Variants in ITGB5 observed in about 807,000 individuals in gnomAD.
ITGB5 encodes the protein integrin subunit beta 5, also known as integrin beta-5.
Under a neutral mutation model 84.8 loss-of-function variants are expected in ITGB5, and 38 were observed. The observed-to-expected ratio is 0.45, with a 90% CI of 0.35 to 0.59. The LOEUF (loss-of-function observed/expected upper bound fraction) is 0.59, where lower values mean the gene tolerates loss of function less well. Among genes scored for constraint, ITGB5 ranks in the 20% least tolerant of loss-of-function variants. ITGB5 has a pLI of 0.01. For synonymous variants in ITGB5, 393 were observed against 414.4 expected (o/e 0.95, Z 0.63); for missense variants, 905 against 1,034.5 (o/e 0.87, Z 1.72).
chr3:124,805,348 G>C (rs571490931), intron 9 of ITGB5, among the ~76,000 whole-genome samples: 1 of 152,020 alleles, frequency 6.6e-6, no homozygotes, highest in Non-Finnish European at 1.5e-5. Flanking sequence ...TTGCCATGTT[G>C]CCCAGGCTGG....
chr3:124,768,330 A>G (rs2063795213), intron 12 of ITGB5, among the ~76,000 whole-genome samples: 2 of 152,232 alleles, frequency 1.3e-5, no homozygotes, highest in Admixed American at 6.5e-5. Context: ...TCAACTCACA[A>G]TGTTGTGTAA....
At chr3:124,794,420 A>G (rs575054188) in intron 10 of ITGB5, among the ~76,000 whole-genome samples, 1 of 152,312 alleles carries the variant, frequency 6.6e-6, no homozygotes, top group South Asian at 2.1e-4. Context: ...AAAATAAATT[A>G]AAAGCCTCAA....
At chr3:124,828,580 TTGTTACC>T (rs2064817313) in intron 5 of ITGB5, among the ~76,000 whole-genome samples, 2 of 152,198 alleles carry the variant, frequency 1.3e-5, no homozygotes, top group Non-Finnish European at 2.9e-5. Context: ...AAGGATATGT[TTGTTACC>T]TTGATCGCAG....
Position 124,796,330 on chromosome 3 carries a change from G to A in ITGB5, c.1693+58C>T. 3 of 1,450,704 alleles carry A rather than the reference G, an allele frequency of 2.1e-6. No homozygotes were observed. The Admixed American group carries it at 5.5e-5, about 27-fold the overall frequency. The allele number at this position is 1,450,704 out of a possible 1,614,324, so 89.9% of individuals were successfully genotyped here. A position where few individuals can be genotyped will look rare whatever the true frequency, so the allele number is the denominator to read the frequency against. On this transcript the variant is annotated intron_variant, in intron 10 of 14. Transcript: ENST00000296181. ...TGAGTAAAAGGCAGGCTTTGGGAGG[G>A]TGTCCTAACGGCATCTTGGCCTGGC... is the stretch of plus-strand genomic sequence containing the variant.
intron 2 of ITGB5, among the ~76,000 whole-genome samples, chr3:124,870,798 TAGAC>T (rs1171200610): frequency 2.7e-5 from 4 of 149,210 alleles, no homozygotes; most frequent in Non-Finnish European, 4.4e-5. Flanking sequence ...CACAGATAAA[TAGAC>T]AGATGGATGG....
chr3:124,821,269 C>T (rs752861057), intron 6 of ITGB5, 44 bp downstream of exon 6: 3 of 1,577,772 alleles, frequency 1.9e-6, no homozygotes, highest in Non-Finnish European at 2.6e-6. Flanking sequence ...GGCAGGGTCA[C>T]AAGAGAGGCA....
At chr3:124,817,284 G>T (rs569970815) in intron 8 of ITGB5, among the ~76,000 whole-genome samples, 2 of 152,212 alleles carry the variant, frequency 1.3e-5, no homozygotes, top group Non-Finnish European at 2.9e-5. Flanking sequence ...CTGGGCACTG[G>T]GTAGGTGGAG....
intron 8 of ITGB5, among the ~76,000 whole-genome samples, chr3:124,814,557 G>A (rs1461557307): frequency 6.6e-6 from 1 of 150,876 alleles, no homozygotes; most frequent in African/African-American, 2.4e-5. Flanking sequence ...GCTCACTGCA[G>A]CCTTGAACTC....
chr3:124,770,510 C>T (rs565787858), intron 11 of ITGB5, among the ~76,000 whole-genome samples: 21 of 152,288 alleles, frequency 1.4e-4, no homozygotes, highest in East Asian at 5.8e-4. Flanking sequence ...CTTAACTCCT[C>T]GGGATTAAGA....
chr3:124,804,179 T>G (rs1231561907), intron 9 of ITGB5, among the ~76,000 whole-genome samples: 1 of 152,230 alleles, frequency 6.6e-6, no homozygotes, highest in Admixed American at 6.5e-5. Context: ...CTTTGACCTT[T>G]CTAGCTTCTA....
At chr3:124,885,734 T>C (rs1433595407) in intron 1 of ITGB5, among the ~76,000 whole-genome samples, 1 of 152,162 alleles carries the variant, frequency 6.6e-6, no homozygotes, top group African/African-American at 2.4e-5. Context: ...TCATCTACTC[T>C]CCAAGCTCTG....
chr3:124,824,279 G>C (rs986296953), intron 5 of ITGB5, among the ~76,000 whole-genome samples: 6 of 152,182 alleles, frequency 3.9e-5, no homozygotes, highest in African/African-American at 1.4e-4. Context: ...AGCAAAAATA[G>C]ATCCACACAT....
At chr3:124,883,244 G>GGCCA (rs1257930067) in intron 1 of ITGB5, among the ~76,000 whole-genome samples, 1 of 152,148 alleles carries the variant, frequency 6.6e-6, no homozygotes, top group Non-Finnish European at 1.5e-5. Context: ...GTAGTTACCA[G>GGCCA]GCCACGCAGG....
rs529347056 is a variant in ITGB5, at chr3:124,774,900, G to GT, written c.1694-989dup. 6.7e-3 allele frequency among the ~76,000 whole-genome samples: 1,020 copies of GT among 152,340 alleles called. 18 individuals carry two copies. Among genetic ancestry groups the GT allele is most frequent in the South Asian group, 0.042 (202 of 4,830 alleles). On this transcript the variant is annotated intron_variant, in intron 10 of 14. Coordinates refer to ENST00000296181, the MANE Select transcript of ITGB5 (RefSeq NM_002213.5). ...TTATGGGGCAGGCATTATTGTCCTTGTTATATAAGGGGTGAAACCAAGACC... is the reference window on the plus strand; with the variant it reads ...TTATGGGGCAGGCATTATTGTCCTTGTTTATATAAGGGGTGAAACCAAGACC...
At chr3:124,868,981 A>G (rs966810774) in intron 2 of ITGB5, among the ~76,000 whole-genome samples, 3 of 152,166 alleles carry the variant, frequency 2.0e-5, no homozygotes, top group African/African-American at 7.2e-5. Flanking sequence ...CGTGGCCAGC[A>G]GGCATGGAAT....
chr3:124,804,371 C>G (rs973572300), intron 9 of ITGB5, among the ~76,000 whole-genome samples: 1 of 151,720 alleles, frequency 6.6e-6, no homozygotes, highest in Non-Finnish European at 1.5e-5. Flanking sequence ...AAAAACAAAA[C>G]AAAACAAAAA....
intron 2 of ITGB5, among the ~76,000 whole-genome samples, chr3:124,865,288 C>G (rs1218271128): frequency 1.3e-5 from 2 of 152,006 alleles, no homozygotes; most frequent in Admixed American, 1.3e-4. Context: ...GGAACCCAAG[C>G]AAGAAGGATG....
At chr3:124,856,100 G>A (rs553247917) in intron 3 of ITGB5, among the ~76,000 whole-genome samples, 1 of 152,078 alleles carries the variant, frequency 6.6e-6, no homozygotes, top group South Asian at 2.1e-4. Context: ...TGCCCAGGCT[G>A]GTCTCAGATT....
chr3:124,803,985 AC>A (rs1277797817), intron 9 of ITGB5, among the ~76,000 whole-genome samples: 9 of 152,114 alleles, frequency 5.9e-5, no homozygotes, highest in African/African-American at 2.2e-4. Flanking sequence ...ACCACAGACC[AC>A]TCATTGTCTA....
Sources: gnomAD v4.1 joint callset for allele counts (sites outside exome capture counted in the v4.1 genomes callset) on GRCh38, gnomAD v4.1.1 for gene constraint, MANE v1.5 for transcripts, NCBI Gene and HGNC (gene_info 2026-07-23, HGNC 2026-07-21) for gene names.